EXOC6B: variants seen among roughly 807,000 people sequenced by gnomAD.
The protein encoded by EXOC6B is SEC15 homolog B.
In EXOC6B, 54 loss-of-function variants were observed where a neutral mutation model predicts 113.5. The ratio of observed to expected loss-of-function variants is 0.48; its 90% confidence interval spans 0.38 to 0.60. The LOEUF is 0.60. Ranked by LOEUF, EXOC6B falls within the 20% of genes least tolerant of loss-of-function variation. EXOC6B has a pLI of 0.00. For synonymous variants in EXOC6B, 357 were observed against 339.0 expected, an observed-to-expected ratio of 1.05 and a Z score of -0.58; for missense variants, 797 against 977.5, an observed-to-expected ratio of 0.82 and a Z score of 2.46.
intron 6 of EXOC6B, among the ~76,000 whole-genome samples, chr2:72,679,411 C>T (rs996327170): frequency 6.6e-6 from 1 of 152,130 alleles, no homozygotes; most frequent in African/African-American, 2.4e-5. Context: ...CCTCCTGAAC[C>T]TTTTGAATGG....
intron 18 of EXOC6B, among the ~76,000 whole-genome samples, chr2:72,397,415 T>G (rs1388190938): frequency 6.6e-6 from 1 of 151,794 alleles, no homozygotes; most frequent in Non-Finnish European, 1.5e-5. Flanking sequence ...GGTCAGGAGA[T>G]CGAGACCATC....
intron 1 of EXOC6B, among the ~76,000 whole-genome samples, chr2:72,754,315 C>T (rs1682257831): frequency 1.3e-5 from 2 of 152,134 alleles, no homozygotes; most frequent in East Asian, 1.9e-4. Flanking sequence ...ATCATGAGTC[C>T]ATTCTTTAAA....
chr2:72,593,646 A>T (rs1218032520), intron 6 of EXOC6B, among the ~76,000 whole-genome samples: 30 of 149,732 alleles, frequency 2.0e-4, no homozygotes, highest in African/African-American at 7.6e-4. Context: ...GGGATCTTAA[A>T]AAAAAAAAAA....
intron 19 of EXOC6B, among the ~76,000 whole-genome samples, chr2:72,339,056 T>G (rs1688873382): frequency 1.3e-5 from 2 of 152,056 alleles, no homozygotes; most frequent in South Asian, 4.1e-4. Context: ...AGATTTAGCA[T>G]TATTGGCAAC....
chr2:72,436,269 TG>T (rs1190851851), intron 18 of EXOC6B, among the ~76,000 whole-genome samples: 14 of 152,348 alleles, frequency 9.2e-5, no homozygotes, highest in African/African-American at 3.4e-4. Flanking sequence ...AGAGATCTGC[TG>T]TTAGTCTGAT....
chr2:72,495,592 A>G, intron 14 of EXOC6B, 53 bp from the exon 15 acceptor site: 1 of 942,450 alleles, frequency 1.1e-6, no homozygotes, highest in South Asian at 1.5e-5. Flanking sequence ...AAGATTGAAG[A>G]TATTTATAAA....
At chr2:72,741,115 G>C (rs183889691) in intron 2 of EXOC6B, among the ~76,000 whole-genome samples, 189 bp downstream of exon 2, 27 of 152,050 alleles carry the variant, frequency 1.8e-4, no homozygotes, top group African/African-American at 6.5e-4. Context: ...AAAAAAAAAG[G>C]GGGGGTGGGT....
intron 20 of EXOC6B, among the ~76,000 whole-genome samples, chr2:72,307,182 A>G (rs1341267721): frequency 2.1e-5 from 2 of 96,740 alleles, no homozygotes. Context: ...TTTGAGACGG[A>G]GTCTTGCTCT....
intron 19 of EXOC6B, among the ~76,000 whole-genome samples, chr2:72,361,245 A>T (rs1463789006): frequency 6.6e-6 from 1 of 152,212 alleles, no homozygotes; most frequent in Non-Finnish European, 1.5e-5. Context: ...CATAATTTTG[A>T]TTGACAACTT....
intron 7 of EXOC6B, among the ~76,000 whole-genome samples, chr2:72,573,706 T>A (rs1380237934): frequency 2.0e-5 from 3 of 152,216 alleles, no homozygotes; most frequent in Non-Finnish European, 4.4e-5. Context: ...TTAATGTACT[T>A]CATTTACATA....
chr2:72,487,591 G>T (rs574053541), intron 16 of EXOC6B, among the ~76,000 whole-genome samples: 18 of 152,052 alleles, frequency 1.2e-4, no homozygotes, highest in Non-Finnish European at 2.6e-4. Context: ...GAACTCCTGA[G>T]CTCGTGATTC....
intron 19 of EXOC6B, among the ~76,000 whole-genome samples, chr2:72,337,476 A>T (rs1214540315): frequency 6.6e-6 from 1 of 152,188 alleles, no homozygotes; most frequent in African/African-American, 2.4e-5. Context: ...AGCTGGCTAC[A>T]CATTCTTGAA....
intron 6 of EXOC6B, among the ~76,000 whole-genome samples, chr2:72,663,514 G>A (rs553554554): frequency 6.6e-6 from 1 of 152,268 alleles, no homozygotes; most frequent in Non-Finnish European, 1.5e-5. Context: ...GGGTCAAAGT[G>A]GAGTCTCAGG....
intron 18 of EXOC6B, among the ~76,000 whole-genome samples, chr2:72,396,564 G>A (rs1280338118): frequency 1.3e-5 from 2 of 151,926 alleles, no homozygotes; most frequent in Non-Finnish European, 2.9e-5. Context: ...AAGACAAAAG[G>A]TGAATTGAGA....
chr2:72,522,169 G>A (rs1477459389), intron 8 of EXOC6B, among the ~76,000 whole-genome samples: 6 of 152,002 alleles, frequency 3.9e-5, no homozygotes, highest in African/African-American at 1.4e-4. Context: ...TTTCCTTAGT[G>A]GCCAAACAAG....
At chr2:72,783,494 T>C (rs1346790898) in intron 1 of EXOC6B, among the ~76,000 whole-genome samples, 2 of 151,828 alleles carry the variant, frequency 1.3e-5, no homozygotes, top group Non-Finnish European at 2.9e-5. Context: ...CAGCTAATTT[T>C]TGTATTTTTA....
intron 6 of EXOC6B, among the ~76,000 whole-genome samples, chr2:72,717,662 C>T (rs1307570983): frequency 6.6e-6 from 1 of 152,040 alleles, no homozygotes; most frequent in Non-Finnish European, 1.5e-5. Flanking sequence ...TCCTAATAGG[C>T]CTTTTTTCAC....
intron 1 of EXOC6B, among the ~76,000 whole-genome samples, chr2:72,744,322 G>A (rs535827636): frequency 6.6e-6 from 1 of 152,294 alleles, no homozygotes; most frequent in South Asian, 2.1e-4. Flanking sequence ...AGAAAAGGCA[G>A]AGCAATCTGG....
intron 18 of EXOC6B, among the ~76,000 whole-genome samples, chr2:72,386,798 T>C (rs1316381625): frequency 1.3e-5 from 2 of 152,260 alleles, no homozygotes; most frequent in African/African-American, 4.8e-5. Context: ...TTCACTATAG[T>C]AACCTTTTTA....
Sources: gnomAD v4.1 joint callset for allele counts (sites outside exome capture counted in the v4.1 genomes callset) on GRCh38, gnomAD v4.1.1 for gene constraint, MANE v1.5 for transcripts, NCBI Gene and HGNC (gene_info 2026-07-23, HGNC 2026-07-21) for gene names.